Variants in CDH11 observed in about 807,000 individuals in gnomAD.
CDH11 encodes the protein cadherin 11.
In CDH11, 11 loss-of-function variants were observed where a neutral mutation model predicts 67.8. The observed-to-expected ratio is 0.16, with a 90% CI of 0.10 to 0.27. The LOEUF (loss-of-function observed/expected upper bound fraction) is 0.27, where lower values mean the gene tolerates loss of function less well. Ranked by LOEUF, CDH11 falls within the 10% of genes least tolerant of loss-of-function variation. The probability of loss-of-function intolerance (pLI) is 1.00; values close to 1 mark genes in which losing one functional copy is unlikely to be tolerated. For missense variants in CDH11, 847 were observed against 1,031.2 expected, an observed-to-expected ratio of 0.82 and a Z score of 2.45; for synonymous variants, 419 against 400.0, an observed-to-expected ratio of 1.05 and a Z score of -0.57.
intron 2 of CDH11, among the ~76,000 whole-genome samples, chr16:65,007,797 A>T (rs916981003): frequency 3.3e-5 from 5 of 152,164 alleles, no homozygotes; most frequent in Admixed American, 1.3e-4. Context: ...ACTAGACTGG[A>T]AACTTCTGAA....
At chr16:64,995,354 T>C (rs1216614154) in intron 4 of CDH11, among the ~76,000 whole-genome samples, 1 of 152,156 alleles carries the variant, frequency 6.6e-6, no homozygotes, top group Non-Finnish European at 1.5e-5. Context: ...ACTACAAGGC[T>C]ACAGTAACCA....
At chr16:65,061,678 A>G (rs1304507227) in intron 1 of CDH11, among the ~76,000 whole-genome samples, 1 of 152,236 alleles carries the variant, frequency 6.6e-6, no homozygotes, top group East Asian at 1.9e-4. Flanking sequence ...TGAAGCATTT[A>G]ATCATCTTTG....
At chr16:65,004,574 T>C in intron 3 of CDH11, 68 bp downstream of exon 3, 1 of 1,504,006 alleles carries the variant, frequency 6.6e-7, no homozygotes, top group Non-Finnish European at 8.9e-7. Flanking sequence ...CTTTTGCTTC[T>C]TTCTGGCCAC....
intron 2 of CDH11, among the ~76,000 whole-genome samples, chr16:65,042,837 G>C (rs534036339): frequency 2.6e-5 from 4 of 152,198 alleles, no homozygotes; most frequent in African/African-American, 9.6e-5. Flanking sequence ...ATCTATTGTG[G>C]ACAGACATTC....
chr16:65,028,413 T>C (rs1416658559), intron 2 of CDH11, among the ~76,000 whole-genome samples: 3 of 152,076 alleles, frequency 2.0e-5, no homozygotes, highest in African/African-American at 7.2e-5. Context: ...CAGATGGATA[T>C]TTTTTGGACT....
chr16:65,053,327 G>C (rs1178550365), intron 2 of CDH11, among the ~76,000 whole-genome samples: 1 of 152,158 alleles, frequency 6.6e-6, no homozygotes, highest in Non-Finnish European at 1.5e-5. Context: ...GCTAGGTCTG[G>C]GTGTAGAAAT....
chr16:64,947,559 G>T lies in CDH11; in HGVS notation c.*44C>A. On this transcript the variant is annotated 3_prime_UTR_variant, in exon 13 of 13. Coordinates refer to ENST00000268603, the MANE Select transcript of CDH11 (RefSeq NM_001797.4). ...GTTTACACATCTTCTAGATTCTTGA[G>T]AACGCCAGACACAGTTCTTAAGGCC... The T allele has an allele frequency of 6.4e-7, 1 of 1,554,162 alleles. No individual in the cohort carries two copies. The highest frequency in any genetic ancestry group is 8.7e-7 in the Non-Finnish European group (1 of 1,151,552).
chr16:64,952,641 C>T (rs944428942), intron 11 of CDH11, among the ~76,000 whole-genome samples: 4 of 149,092 alleles, frequency 2.7e-5, no homozygotes, highest in Non-Finnish European at 6.0e-5. Flanking sequence ...CATCAAATTA[C>T]ACATACATGC....
In CDH11 at chr16:65,122,043, A is replaced by G. The variant is rs1402665754; in HGVS notation, c.-461T>C. On this transcript the variant is annotated 5_prime_UTR_variant, in exon 1 of 13. Transcript: ENST00000268603. ...CTCCTCGGCCCGCGACGCTCCCCTCAGCTGGCGGCGGCCGCGGAATGAGCC... is the reference window on the plus strand; with the variant it reads ...CTCCTCGGCCCGCGACGCTCCCCTCGGCTGGCGGCGGCCGCGGAATGAGCC... 28 of 639,442 alleles carry G rather than the reference A, an allele frequency of 4.4e-5. No homozygotes were observed. The East Asian group carries it at 8.0e-4, about 18-fold the overall frequency. 39.6% of individuals were successfully genotyped at this position (639,442 alleles called of 1,614,324 possible). A position where few individuals can be genotyped will look rare whatever the true frequency, so the allele number is the denominator to read the frequency against.
intron 1 of CDH11, among the ~76,000 whole-genome samples, chr16:65,062,748 A>G (rs2074252890): frequency 6.6e-6 from 1 of 152,248 alleles, no homozygotes; most frequent in African/African-American, 2.4e-5. Flanking sequence ...AGACAAAGGC[A>G]CAAACTAAAT....
chr16:64,983,743 G>C (rs781544232), intron 7 of CDH11, among the ~76,000 whole-genome samples: 1 of 152,050 alleles, frequency 6.6e-6, no homozygotes, highest in African/African-American at 2.4e-5. Flanking sequence ...CCTTGGCTAG[G>C]TTACTGAGCA....
chr16:64,988,173 AC>A lies in CDH11; in HGVS notation c.982del (p.Val328Ter). On this transcript the variant is annotated frameshift_variant, in exon 7 of 13. Coordinates refer to ENST00000268603, the MANE Select transcript of CDH11 (RefSeq NM_001797.4). LOFTEE classifies it high-confidence loss of function. ...CTAACTCACCTTTTTCAGCTTTATC[AC>A]CCCCTCCTGTGTTTCATAGTCCGTT... is the stretch of plus-strand genomic sequence containing the variant. Reference protein sequence around the residue: ...ITTDYETQEGVIKLKKPVDFE... With the variant: ...ITTDYETQEGXIKLKKPVDFE... 6.2e-7 allele frequency: 1 copy of A among 1,607,030 alleles called. No individual in the cohort carries two copies. The highest frequency in any genetic ancestry group is 8.5e-7 in the Non-Finnish European group (1 of 1,176,776).
rs2142492118 is a variant in CDH11 at position 64,991,801 on chromosome 16, C to T, written c.778G>A (p.Asp260Asn). 1 of 1,613,748 alleles carries T rather than the reference C, an allele frequency of 6.2e-7. No individual in the cohort carries two copies. Among genetic ancestry groups the T allele is most frequent in the Non-Finnish European group, 8.5e-7 (1 of 1,179,758 alleles). Reference sequence around the variant, plus strand: ...AACTTTGGTGGGTTGTCATTGACATCGGTCAGTGTGATCGTCACTTTGGTT... The same window carrying T: ...AACTTTGGTGGGTTGTCATTGACATTGGTCAGTGTGATCGTCACTTTGGTT... ...GTTKVTITLT[D>N]VNDNPPKFPQ... is the part of the protein sequence containing the mutation. The change falls in exon 6 of 13, where the codon GAT becomes AAT. Residue 260 changes from aspartate (D) to asparagine (N), a missense_variant. By Grantham distance (23) the Asp-to-Asn change is conservative (BLOSUM62 1). Coordinates refer to ENST00000268603, the MANE Select transcript of CDH11 (RefSeq NM_001797.4).
intron 11 of CDH11, among the ~76,000 whole-genome samples, chr16:64,952,831 T>C (rs1024117362): frequency 3.9e-5 from 6 of 152,018 alleles, no homozygotes; most frequent in African/African-American, 9.7e-5. Context: ...GCTCCTGTAG[T>C]AGGGAAAAAA....
At chr16:64,948,773 T>A (rs1437262235) in intron 12 of CDH11, 1 of 1,599,024 alleles carries the variant, frequency 6.3e-7, no homozygotes, top group Non-Finnish European at 8.5e-7. Flanking sequence ...GGGGGTTCCA[T>A]TAAGCTTGGG....
intron 11 of CDH11, chr16:64,968,452 T>G (rs948304784): frequency 1.6e-5 from 16 of 983,904 alleles, no homozygotes; most frequent in Non-Finnish European, 1.9e-5. Context: ...GCAGACATGC[T>G]CTTCATCTGC....
chr16:65,065,287 C>T (rs1166299529), intron 1 of CDH11, among the ~76,000 whole-genome samples: 1 of 152,150 alleles, frequency 6.6e-6, no homozygotes, highest in Non-Finnish European at 1.5e-5. Context: ...TTACCAATAT[C>T]CTGTTTTATT....
chr16:65,111,089 C>T (rs1293401828), intron 1 of CDH11, among the ~76,000 whole-genome samples: 5 of 152,286 alleles, frequency 3.3e-5, no homozygotes, highest in Middle Eastern at 6.8e-3. Context: ...CAACCCATAG[C>T]ATGAGACTAG....
At chr16:64,953,712 G>A (rs1471890693) in intron 11 of CDH11, among the ~76,000 whole-genome samples, 1 of 151,864 alleles carries the variant, frequency 6.6e-6, no homozygotes, top group East Asian at 1.9e-4. Flanking sequence ...TTCTCTTCTT[G>A]TATATGTTTT....
Sources: allele counts gnomAD v4.1 joint callset (sites outside exome capture counted in the v4.1 genomes callset), GRCh38; gene constraint gnomAD v4.1.1; transcripts MANE v1.5; gene names NCBI Gene and HGNC (gene_info 2026-07-23, HGNC 2026-07-21).